FAM53A: variants seen among roughly 807,000 people sequenced by gnomAD.
The protein encoded by FAM53A is family with sequence similarity 53 member A.
FAM53A carries 28 observed loss-of-function variants against 26.6 expected under a neutral mutation model. The observed-to-expected ratio is 1.05, with a 90% CI of 0.78 to 1.45. The LOEUF is 1.45. FAM53A is among the 40% of genes most tolerant of loss of function. FAM53A has a pLI of 0.00. For synonymous variants in FAM53A, 290 were observed against 253.1 expected (o/e 1.15, Z -1.38); for missense variants, 650 against 575.8 (o/e 1.13, Z -1.32).
chr4:1,581,504 C>G, the FAM53A span, among the ~76,000 whole-genome samples: 1 of 152,220 alleles, frequency 6.6e-6, no homozygotes, highest in South Asian at 2.1e-4. Flanking sequence ...TTTTCTCTTC[C>G]TCGTGGTCCT....
the FAM53A span, among the ~76,000 whole-genome samples, chr4:1,601,233 C>CCGGGGGAGATGGGATGG: frequency 1.4e-4 from 12 of 87,392 alleles, no homozygotes; most frequent in East Asian, 4.9e-4. Flanking sequence ...CGCAACAGGT[C>CCGGGGGAGATGGGATGG]GGACACCCAC....
chr4:1,655,970 T>C (rs1713347913), intron 3 of FAM53A, among the ~76,000 whole-genome samples: 1 of 152,048 alleles, frequency 6.6e-6, no homozygotes, highest in Non-Finnish European at 1.5e-5. Context: ...GGTGTCAGCC[T>C]CCCCACCGGT....
intron 2 of FAM53A, among the ~76,000 whole-genome samples, chr4:1,663,328 C>T (rs1258866658): frequency 6.6e-6 from 1 of 152,204 alleles, no homozygotes; most frequent in African/African-American, 2.4e-5. Context: ...GGCAATCCCA[C>T]GACTAGGTTT....
chr4:1,650,416 G>T (rs1292367505), intron 4 of FAM53A, among the ~76,000 whole-genome samples: 1 of 151,880 alleles, frequency 6.6e-6, no homozygotes, highest in African/African-American at 2.4e-5. Flanking sequence ...GTGTTTGACT[G>T]TGAGGTGGCA....
At chr4:1,623,131 A>G (rs1446554093) in intron 1 of FAM53A, among the ~76,000 whole-genome samples, 1 of 152,198 alleles carries the variant, frequency 6.6e-6, no homozygotes, top group Non-Finnish European at 1.5e-5. Flanking sequence ...TGAGCAGCAG[A>G]AAGTATGGCA....
the FAM53A span, among the ~76,000 whole-genome samples, chr4:1,584,971 T>C: frequency 6.6e-6 from 1 of 152,254 alleles, no homozygotes; most frequent in East Asian, 1.9e-4. Context: ...TTTTAATTAA[T>C]TAATTTTTTA....
At chr4:1,685,045 G>C (rs1480519739), upstream of FAM53A, among the ~76,000 whole-genome samples, 1 of 152,148 alleles carries the variant, frequency 6.6e-6, no homozygotes, top group Non-Finnish European at 1.5e-5. Flanking sequence ...CAGGAAGGGG[G>C]TCCCTGCCTC....
intron 4 of FAM53A, among the ~76,000 whole-genome samples, chr4:1,650,070 C>T (rs1367768910): frequency 8.1e-6 from 1 of 124,092 alleles, no homozygotes; most frequent in Non-Finnish European, 1.7e-5. Flanking sequence ...GTGGCACAGG[C>T]GTGGTGTTTG....
In FAM53A at chr4:1,655,212, G is replaced by T. The variant is rs1386632802; in HGVS notation, c.648C>A (p.Pro216=). 1.3e-6 allele frequency: 2 copies of T among 1,554,052 alleles called. No homozygotes were observed. Among genetic ancestry groups the T allele is most frequent in the Admixed American group, 3.8e-5 (2 of 52,350 alleles). Residue 216 remains proline, a synonymous_variant, in exon 4 of 5, where the codon CCC becomes CCA. Coordinates refer to ENST00000308132, the MANE Select transcript of FAM53A (RefSeq NM_001174070.3). ...AGAGGGACGGGCGGCGCCTCGTGGAGGGCAAGCAGGACTCCGCGGAACACC... is the reference window on the plus strand; with the variant it reads ...AGAGGGACGGGCGGCGCCTCGTGGATGGCAAGCAGGACTCCGCGGAACACC... The part of the protein sequence containing the change: ...PLWCSAESCL[P]STRRRPSLSQ...
At chr4:1,601,232 T>TGGAGG in the FAM53A span, among the ~76,000 whole-genome samples, 2 of 133,806 alleles carry the variant, frequency 1.5e-5, no homozygotes, top group African/African-American at 2.6e-5. Context: ...CCGCAACAGG[T>TGGAGG]CGGACACCCA....
At position 1,668,763 on chromosome 4, in the gene FAM53A, G is replaced by A. The variant is rs201087914; in HGVS notation, c.-22C>T. 419 of 1,612,810 alleles carry A rather than the reference G, an allele frequency of 2.6e-4. No homozygotes were observed. Among genetic ancestry groups the A allele is most frequent in the Non-Finnish European group, 3.4e-4 (399 of 1,178,954 alleles). On this transcript the variant is annotated 5_prime_UTR_variant, in exon 2 of 5. The change creates a new upstream start codon in the 5' untranslated region. Transcript: ENST00000308132. ...CCATGGTCGGGGCCCCGTGTCCTCC[G>A]TCCACACCAACAGGCACTGGAGTCC... is the stretch of plus-strand genomic sequence containing the variant.
In FAM53A at chr4:1,655,413, G is replaced by C. The variant is rs1441881798; in HGVS notation, c.447C>G (p.Ser149=). The change falls in exon 4 of 5, where the codon TCC becomes TCG. Residue 149 remains serine (S), a synonymous_variant. Coordinates refer to ENST00000308132, the MANE Select transcript of FAM53A (RefSeq NM_001174070.3). The part of the protein sequence containing the change: ...PGSSKVWTPV[S]KRRCDSGGSA... ...TCCCGCCGCTGTCGCACCGCCTCTTGGAGACTGGAGTCCAGACCTTGGAGC... is the reference window on the plus strand; with the variant it reads ...TCCCGCCGCTGTCGCACCGCCTCTTCGAGACTGGAGTCCAGACCTTGGAGC... The C allele has an allele frequency of 1.2e-5, 18 of 1,486,212 alleles. No homozygotes were observed. The highest frequency in any genetic ancestry group is 1.4e-5 in the Non-Finnish European group (16 of 1,119,298). 92.1% of individuals were successfully genotyped at this position (1,486,212 alleles called of 1,614,324 possible).
downstream of FAM53A, among the ~76,000 whole-genome samples, chr4:1,614,757 GGCCCTATTCACAGACACC>G (rs1214006367): frequency 2.6e-5 from 4 of 152,118 alleles, no homozygotes; most frequent in African/African-American, 7.2e-5. Context: ...CTTTATGTGT[GGCCCTATTCACAGACACC>G]GCACTGAGCG....
chr4:1,579,599 C>G, the FAM53A span, among the ~76,000 whole-genome samples: 1 of 152,220 alleles, frequency 6.6e-6, no homozygotes, highest in African/African-American at 2.4e-5. Flanking sequence ...TCTCTGAGCC[C>G]CCGTTTCCCC....
Position 1,655,531 on chromosome 4 carries a change from C to G in FAM53A, c.329G>C (p.Gly110Ala). 2 of 1,567,070 alleles carry G rather than the reference C, an allele frequency of 1.3e-6. No homozygotes were observed. Among genetic ancestry groups the G allele is most frequent in the Non-Finnish European group, 1.7e-6 (2 of 1,156,186 alleles). ...CTTGGTCGGTGGGGCCGTGGACGAG[C>G]CTGTGCTTTCACTGGGGTCCACGGT... is the stretch of plus-strand genomic sequence containing the variant. The part of the protein sequence containing the change: ...ASTVDPSEST[G>A]SSTAPPTKRH... Residue 110 changes from glycine (G) to alanine (A), a missense_variant, in exon 4 of 5, where the codon GGC becomes GCC. Transcript: ENST00000308132.
the FAM53A span, among the ~76,000 whole-genome samples, chr4:1,596,535 C>T: frequency 1.3e-5 from 2 of 152,028 alleles, no homozygotes; most frequent in Non-Finnish European, 1.5e-5. Flanking sequence ...CCCACCACAC[C>T]ACCCGAACCG....
Position 1,625,257 on chromosome 4 carries a change from C to T in FAM53A, c.432-7146G>A, listed in dbSNP as rs113841874. ...CACGCCAGGTGATCAGAAGGCCCCA[C>T]GTCCCGACCCACGTGGTCAGGGGTC... On this transcript the variant is annotated intron_variant, in intron 1 of 1. Transcript: ENST00000489029. 7.2e-5 allele frequency among the ~76,000 whole-genome samples: 4 copies of T among 55,682 alleles called. 1 individual carries two copies. Among genetic ancestry groups the T allele is most frequent in the Non-Finnish European group, 1.2e-4 (4 of 32,228 alleles). 36.5% of individuals were successfully genotyped at this position (55,682 alleles called of 152,430 possible).
intron 1 of FAM53A, among the ~76,000 whole-genome samples, chr4:1,680,326 A>C (rs930190926): frequency 6.1e-5 from 9 of 148,264 alleles, no homozygotes; most frequent in South Asian, 4.2e-4. Flanking sequence ...TCTCAAAAAA[A>C]AAAAAAAAAA....
intron 1 of FAM53A, among the ~76,000 whole-genome samples, chr4:1,622,302 G>A (rs920240421): frequency 6.6e-6 from 1 of 152,130 alleles, no homozygotes; most frequent in Non-Finnish European, 1.5e-5. Context: ...GTGACGACAG[G>A]GGCAGAACAA....
Sources: gnomAD v4.1 joint callset for allele counts (sites outside exome capture counted in the v4.1 genomes callset) on GRCh38, gnomAD v4.1.1 for gene constraint, MANE v1.5 for transcripts, NCBI Gene and HGNC (gene_info 2026-07-23, HGNC 2026-07-21) for gene names.